The following CELSR3 variants were observed in gnomAD, a reference collection of about 807,000 sequenced individuals.
The protein encoded by CELSR3 is cadherin EGF LAG seven-pass G-type receptor 3.
Under a neutral mutation model 270.0 loss-of-function variants are expected in CELSR3, and 73 were observed. That is an observed-to-expected ratio of 0.27 (90% CI 0.22 to 0.33). CELSR3 has a LOEUF of 0.33. Among genes scored for constraint, CELSR3 ranks in the 10% least tolerant of loss-of-function variants. CELSR3 has a pLI of 1.00. For synonymous variants in CELSR3, 1,780 were observed against 1,905.4 expected (o/e 0.93, Z 1.71); for missense variants, 3,614 against 4,533.8 (o/e 0.80, Z 5.83).
Position 48,656,369 on chromosome 3 carries a change from G to T in CELSR3, c.4400-4C>A. 7.1e-7 allele frequency: 1 copy of T among 1,409,332 alleles called. No homozygotes were observed. The highest frequency in any genetic ancestry group is 1.6e-5 in the South Asian group (1 of 63,364). The allele number at this position is 1,409,332 out of a possible 1,614,324, so 87.3% of individuals were successfully genotyped here. The stretch of plus-strand genomic sequence containing the variant: ...GTGTCCAGCTCGCAGTCCTCTCCTG[G>T]GGGCCAAGCCGCGGTCAGAGGCGGT... On this transcript the variant is annotated splice_polypyrimidine_tract_variant and splice_region_variant and intron_variant, in intron 2 of 34. Transcript: ENST00000164024.
Position 48,655,023 on chromosome 3 carries a change from ACTAGGGGG to A in CELSR3, c.4988+13_4988+20del. ...GCTTTGGTAGGCAGGGGACAAGGGG[ACTAGGGGG>A]CAGGGGCCTCACTTCTTGGAGCTTG... On this transcript the variant is annotated intron_variant, in intron 6 of 34. Coordinates refer to ENST00000164024, the MANE Select transcript of CELSR3 (RefSeq NM_001407.3). This position sits in a 1 kb window ranked among gnomAD's most constrained non-coding sequence, Gnocchi z 5.8. The A allele has an allele frequency of 1.9e-6, 3 of 1,612,140 alleles. No homozygotes were observed. The highest frequency in any genetic ancestry group is 2.5e-6 in the Non-Finnish European group (3 of 1,178,778).
Position 48,653,861 on chromosome 3 carries a change from C to G in CELSR3, c.5278+17G>C, listed in dbSNP as rs760457896. The stretch of plus-strand genomic sequence containing the variant: ...ATCTGACCCTGCAGGCCCCTCTGCC[C>G]CATGCTGCCCACTTACTAAGCTGAC... On this transcript the variant is annotated intron_variant, in intron 8 of 34. Coordinates refer to ENST00000164024, the MANE Select transcript of CELSR3 (RefSeq NM_001407.3). This position sits in a 1 kb window ranked among gnomAD's most constrained non-coding sequence, Gnocchi z 6.5. 1 of 1,613,274 alleles carries G rather than the reference C, an allele frequency of 6.2e-7. No individual in the cohort carries two copies. Among genetic ancestry groups the G allele is most frequent in the East Asian group, 2.2e-5 (1 of 44,856 alleles).
chr3:48,645,007 G>A lies in CELSR3; in HGVS notation c.7972+28C>T. Reference sequence around the variant, plus strand: ...GGGTCAGGGGTCAGGCCATGTGATGGTTGGAGGTTGGGGGTCACAGCCCTC... The same window carrying A: ...GGGTCAGGGGTCAGGCCATGTGATGATTGGAGGTTGGGGGTCACAGCCCTC... On this transcript the variant is annotated intron_variant, in intron 25 of 34. Coordinates refer to ENST00000164024, the MANE Select transcript of CELSR3 (RefSeq NM_001407.3). This position sits in a 1 kb window ranked among gnomAD's most constrained non-coding sequence, Gnocchi z 5.4. 1.3e-6 allele frequency: 2 copies of A among 1,562,324 alleles called. No individual in the cohort carries two copies. Among genetic ancestry groups the A allele is most frequent in the Non-Finnish European group, 1.7e-6 (2 of 1,148,132 alleles).
At position 48,642,056 on chromosome 3, in the gene CELSR3, A is replaced by G. The variant is rs557207583; in HGVS notation, c.8666-47T>C. 2 of 1,492,454 alleles carry G rather than the reference A, an allele frequency of 1.3e-6. No homozygotes were observed. Among genetic ancestry groups the G allele is most frequent in the Admixed American group, 2.4e-5 (1 of 42,042 alleles). 92.5% of individuals were successfully genotyped at this position (1,492,454 alleles called of 1,614,324 possible). ...GTACTTTCAGAGGTAAGGGACTTGG[A>G]GATAAGGGAATTTGGAGTTGAGGGT... On this transcript the variant is annotated intron_variant, in intron 31 of 34. Coordinates refer to ENST00000164024, the MANE Select transcript of CELSR3 (RefSeq NM_001407.3). The surrounding 1 kb of genome is among the most constrained non-coding windows in gnomAD (Gnocchi z 6.1).
chr3:48,640,334 C>T lies in CELSR3; in HGVS notation c.9251G>A (p.Arg3084Gln), dbSNP rs541711263. The T allele has an allele frequency of 8.7e-6, 14 of 1,612,570 alleles. No homozygotes were observed. The highest frequency in any genetic ancestry group is 4.0e-5 in the African/African-American group (3 of 74,994). The change falls in exon 34 of 35, where the codon CGA (arginine) becomes CAA (glutamine). Residue 3084 changes from arginine (R) to glutamine (Q), a missense_variant. Physicochemically the swap from Arg to Gln is conservative, Grantham distance 43. Transcript: ENST00000164024. The surrounding 1 kb of genome is among the most constrained non-coding windows in gnomAD (Gnocchi z 7.5). ...AACAGGGGCAGGGGCTTCCTCTAGT[C>T]GCTCACGGCTCAGTTGCCGCCGGAG... is the stretch of plus-strand genomic sequence containing the variant. ...LLLRRQLSRE[R>Q]LEEAPAPVLR... is the part of the protein sequence containing the mutation.
At position 48,644,058 on chromosome 3, in the gene CELSR3, C is replaced by T. The variant is rs2047055269; in HGVS notation, c.8165+158G>A. 1.9e-5 allele frequency: 12 copies of T among 630,598 alleles called. No individual in the cohort carries two copies. Among genetic ancestry groups the T allele is most frequent in the South Asian group, 1.4e-4 (7 of 50,168 alleles). 39.1% of individuals were successfully genotyped at this position (630,598 alleles called of 1,614,324 possible). On this transcript the variant is annotated intron_variant, in intron 27 of 34. Coordinates refer to ENST00000164024, the MANE Select transcript of CELSR3 (RefSeq NM_001407.3). This position sits in a 1 kb window ranked among gnomAD's most constrained non-coding sequence, Gnocchi z 4.8. Reference sequence around the variant, plus strand: ...ATGTGGGGCTACAGTATAGCGAGGGCGCCAGAGAGGGACCACAGGTCAGGG... The same window carrying T: ...ATGTGGGGCTACAGTATAGCGAGGGTGCCAGAGAGGGACCACAGGTCAGGG...
chr3:48,652,486 G>C lies in CELSR3; in HGVS notation c.5702C>G (p.Pro1901Arg). The change falls in exon 11 of 35, where the codon CCC (proline) becomes CGC (arginine). Residue 1901 changes from proline (P) to arginine (R), a missense_variant. Pro to Arg is a moderately radical substitution (Grantham distance 103). Coordinates refer to ENST00000164024, the MANE Select transcript of CELSR3 (RefSeq NM_001407.3). The surrounding 1 kb of genome is among the most constrained non-coding windows in gnomAD (Gnocchi z 4.3). ...KVKQLHVGGL[P>R]PGSAEEAPQG... The stretch of plus-strand genomic sequence containing the variant: ...AGGAGCCTCCTCTGCACTGCCGGGG[G>C]GCAGGCCTCCCACGTGGAGCTGCTT... The C allele has an allele frequency of 1.2e-6, 2 of 1,613,754 alleles. No homozygotes were observed. Among genetic ancestry groups the C allele is most frequent in the Non-Finnish European group, 1.7e-6 (2 of 1,179,968 alleles).
chr3:48,662,201 G>C lies in CELSR3; in HGVS notation c.434C>G (p.Thr145Arg), dbSNP rs1379926541. 3.1e-6 allele frequency: 5 copies of C among 1,612,916 alleles called. No homozygotes were observed. The Admixed American group carries it at 8.3e-5, about 27-fold the overall frequency. ...WRPEVSSCGR[T>R]GPLQRGSLSP... ...CAGACTACCTCTTTGCAAAGGTCCTGTCCGCCCGCAAGAGGAGACCTCTGG... is the reference window on the plus strand; with the variant it reads ...CAGACTACCTCTTTGCAAAGGTCCTCTCCGCCCGCAAGAGGAGACCTCTGG... The change falls in exon 1 of 35, where the codon ACA becomes AGA. Residue 145 changes from threonine to arginine, a missense_variant. Coordinates refer to ENST00000164024, the MANE Select transcript of CELSR3 (RefSeq NM_001407.3). The surrounding 1 kb of genome is among the most constrained non-coding windows in gnomAD (Gnocchi z 7.1).
rs372558763 is a variant in CELSR3 at position 48,641,662 on chromosome 3, A to G, written c.8825-138T>C. On this transcript the variant is annotated intron_variant, in intron 32 of 34. Coordinates refer to ENST00000164024, the MANE Select transcript of CELSR3 (RefSeq NM_001407.3). The surrounding 1 kb of genome is among the most constrained non-coding windows in gnomAD (Gnocchi z 4.8). ...CAGGAGGGTATCTCCTCAGAGATCAATGGGTGGGGGTGACTGGTGAGCTCC... is the reference window on the plus strand; with the variant it reads ...CAGGAGGGTATCTCCTCAGAGATCAGTGGGTGGGGGTGACTGGTGAGCTCC... 24 of 817,300 alleles carry G rather than the reference A, an allele frequency of 2.9e-5. No individual in the cohort carries two copies. In the East Asian group the frequency reaches 3.5e-4, roughly 12 times the overall value. 50.6% of individuals were successfully genotyped at this position (817,300 alleles called of 1,614,324 possible).
In CELSR3 at chr3:48,652,681, C is replaced by A; in HGVS notation, c.5635-128G>T. ...CCCTCCCTCCTGGACCCACAGTAGACCTTAATATTGCTTGATTTTGACCGG... is the reference window on the plus strand; with the variant it reads ...CCCTCCCTCCTGGACCCACAGTAGAACTTAATATTGCTTGATTTTGACCGG... On this transcript the variant is annotated intron_variant, in intron 10 of 34. Transcript: ENST00000164024. The surrounding 1 kb of genome is among the most constrained non-coding windows in gnomAD (Gnocchi z 4.3). The A allele has an allele frequency of 1.0e-5, 7 of 687,826 alleles. No homozygotes were observed. In the South Asian group the frequency reaches 1.1e-4, roughly 11 times the overall value. The allele number at this position is 687,826 out of a possible 1,614,324, so 42.6% of individuals were successfully genotyped here. A position where few individuals can be genotyped will look rare whatever the true frequency, so the allele number is the denominator to read the frequency against.
In CELSR3 at chr3:48,647,998, T is replaced by C. The variant is rs1167189314; in HGVS notation, c.6974-2A>G. 1.2e-6 allele frequency: 2 copies of C among 1,611,628 alleles called. No homozygotes were observed. ...GCTCCATGCGGTCAATGCTGAGCAC[T>C]ACCCAGGAGAAAGAAAGGGGAGGCC... On this transcript the variant is annotated splice_acceptor_variant, in intron 19 of 34. Transcript: ENST00000164024. LOFTEE classifies it high-confidence loss of function.
At position 48,639,784 on chromosome 3, in the gene CELSR3, G is replaced by C; in HGVS notation, c.9801C>G (p.Pro3267=). Residue 3267 remains proline (P), a synonymous_variant, in exon 34 of 35, where the codon CCC becomes CCG. Coordinates refer to ENST00000164024, the MANE Select transcript of CELSR3 (RefSeq NM_001407.3). The surrounding 1 kb of genome is among the most constrained non-coding windows in gnomAD (Gnocchi z 4.1). ...GTGTGGCAGTGGTGTGAGGGCCCAA[G>C]GGTGTGCTTGAAGATTGCACAGAGG... ...ALSSVQSSST[P]LGPHTTATPS... The C allele has an allele frequency of 1.2e-6, 2 of 1,613,864 alleles. No individual in the cohort carries two copies. Among genetic ancestry groups the C allele is most frequent in the Non-Finnish European group, 1.7e-6 (2 of 1,179,994 alleles).
In CELSR3 at chr3:48,656,948, G is replaced by C; in HGVS notation, c.4149C>G (p.Pro1383=). The change falls in exon 2 of 35, where the codon CCC becomes CCG. Residue 1383 remains proline (P), a synonymous_variant. Coordinates refer to ENST00000164024, the MANE Select transcript of CELSR3 (RefSeq NM_001407.3). ...ACACGCATTTCATGTAGTTCTCACAGGGCTCTCGCAGGCACACGTTGTCGT... is the reference window on the plus strand; with the variant it reads ...ACACGCATTTCATGTAGTTCTCACACGGCTCTCGCAGGCACACGTTGTCGT... ...PFDDNVCLRE[P]CENYMKCVSV... 1.2e-6 allele frequency: 2 copies of C among 1,612,554 alleles called. No homozygotes were observed. Among genetic ancestry groups the C allele is most frequent in the African/African-American group, 1.3e-5 (1 of 75,022 alleles).
In CELSR3 at chr3:48,644,875, C is replaced by G; in HGVS notation, c.7973-47G>C. ...ACTGAGGGTGTGTGTTCCAGAGCTG[C>G]TGACCAGCCCATGTATGGGAGAAAG... is the stretch of plus-strand genomic sequence containing the variant. On this transcript the variant is annotated intron_variant, in intron 25 of 34. Transcript: ENST00000164024. This position sits in a 1 kb window ranked among gnomAD's most constrained non-coding sequence, Gnocchi z 4.8. The G allele has an allele frequency of 6.4e-7, 1 of 1,565,540 alleles. No individual in the cohort carries two copies. The highest frequency in any genetic ancestry group is 8.8e-7 in the Non-Finnish European group (1 of 1,141,034).
Position 48,656,699 on chromosome 3 carries a change from G to C in CELSR3, c.4398C>G (p.Thr1466=), listed in dbSNP as rs539127037. The C allele has an allele frequency of 1.3e-6, 2 of 1,485,102 alleles. No individual in the cohort carries two copies. The highest frequency in any genetic ancestry group is 1.8e-6 in the Non-Finnish European group (2 of 1,124,316). The allele number at this position is 1,485,102 out of a possible 1,614,324, so 92.0% of individuals were successfully genotyped here. A position where few individuals can be genotyped will look rare whatever the true frequency, so the allele number is the denominator to read the frequency against. Reference sequence around the variant, plus strand: ...GCTCTGGCCCGGCGCCCTGCTCACCGGTGAAGCGCGGGCGGCAGACGCACG... The same window carrying C: ...GCTCTGGCCCGGCGCCCTGCTCACCCGTGAAGCGCGGGCGGCAGACGCACG... The part of the protein sequence containing the change: ...GYTCVCRPRF[T]GEDCELDTEA... Residue 1466 remains threonine (T), a splice_region_variant and synonymous_variant, in exon 2 of 35, where the codon ACC becomes ACG. Coordinates refer to ENST00000164024, the MANE Select transcript of CELSR3 (RefSeq NM_001407.3).
At position 48,645,142 on chromosome 3, in the gene CELSR3, A is replaced by C. The variant is rs753299398; in HGVS notation, c.7865T>G (p.Val2622Gly). The change falls in exon 25 of 35, where the codon GTG (valine) becomes GGG (glycine). Residue 2622 changes from valine to glycine, a missense_variant. This residue lies in a region of CELSR3 where 1,240 missense variants were observed against 1,351.7 expected (regional missense o/e 0.92). Transcript: ENST00000164024. This position sits in a 1 kb window ranked among gnomAD's most constrained non-coding sequence, Gnocchi z 5.4. The part of the protein sequence containing the change: ...FFLSTFAWLF[V>G]QGLHLYRMQV... The stretch of plus-strand genomic sequence containing the variant: ...CATGCGGTAGAGGTGCAGCCCCTGC[A>C]CGAAGAGCCACGCGAAGGTGCTGAG... The C allele has an allele frequency of 6.2e-7, 1 of 1,600,658 alleles. No homozygotes were observed. The highest frequency in any genetic ancestry group is 1.1e-5 in the South Asian group (1 of 90,714).
At chr3:48,656,517 T>G in intron 2 of CELSR3, 152 bp from the exon 3 acceptor site, 1 of 1,132,344 alleles carries the variant, frequency 8.8e-7, no homozygotes. Context: ...CCCCGCCCCC[T>G]CCCCAGTCTC....
Position 48,660,544 on chromosome 3 carries a change from A to G in CELSR3, c.2091T>C (p.Thr697=). ...EYSLTGVAPD[T]PFVINSATGW... ...CAGTGGCGCTGTTTATCACAAAAGG[A>G]GTATCAGGTGCCACACCAGTTAGGG... The change falls in exon 1 of 35, where the codon ACT becomes ACC. Residue 697 remains threonine, a synonymous_variant. Coordinates refer to ENST00000164024, the MANE Select transcript of CELSR3 (RefSeq NM_001407.3). This position sits in a 1 kb window ranked among gnomAD's most constrained non-coding sequence, Gnocchi z 5.5. 2 of 1,614,156 alleles carry G rather than the reference A, an allele frequency of 1.2e-6. No individual in the cohort carries two copies. Among genetic ancestry groups the G allele is most frequent in the Non-Finnish European group, 1.7e-6 (2 of 1,180,028 alleles).
chr3:48,649,526 A>G (rs749436568), intron 16 of CELSR3, among the ~76,000 whole-genome samples: 11 of 152,180 alleles, frequency 7.2e-5, no homozygotes, highest in Non-Finnish European at 1.5e-5. Context: ...ACACACACCA[A>G]TGCTCACCAA....
Sources: allele counts gnomAD v4.1 joint callset (sites outside exome capture counted in the v4.1 genomes callset), GRCh38; gene constraint gnomAD v4.1.1; regional missense constraint gnomAD v4.1.1; non-coding constraint Gnocchi (gnomAD v3.1); transcripts MANE v1.5; gene names NCBI Gene and HGNC (gene_info 2026-07-23, HGNC 2026-07-21).